PTPRQ: variants seen among roughly 807,000 people sequenced by gnomAD.
PTPRQ encodes phosphatidylinositol phosphatase PTPRQ.
A neutral mutation model predicts 246.0 loss-of-function variants in PTPRQ; 199 were observed. The observed-to-expected ratio is 0.81, with a 90% CI of 0.72 to 0.91. PTPRQ has a LOEUF of 0.91. Among genes scored for constraint, PTPRQ ranks in the 40% least tolerant of loss-of-function variants. The pLI, the probability that PTPRQ is intolerant of heterozygous loss-of-function variation, is 0.00. For missense variants in PTPRQ, 2,624 were observed against 2,528.4 expected (o/e 1.04, Z -0.81); for synonymous variants, 869 against 853.2 (o/e 1.02, Z -0.32).
intron 25 of PTPRQ, among the ~76,000 whole-genome samples, chr12:80,578,270 T>TC (rs1321319640): frequency 7.0e-6 from 1 of 143,646 alleles, no homozygotes; most frequent in Non-Finnish European, 1.5e-5. Context: ...GCTTCCTGTG[T>TC]CCATGTGTTC....
At position 80,539,760 on chromosome 12, in the gene PTPRQ, T is replaced by A. The variant is rs567349026; in HGVS notation, c.2986-16T>A. ...AAAAAAATACATTCTGAACAATGAATGTGTTTATTTTTCAGAATTTTACAC... is the reference window on the plus strand; with the variant it reads ...AAAAAAATACATTCTGAACAATGAAAGTGTTTATTTTTCAGAATTTTACAC... On this transcript the variant is annotated splice_polypyrimidine_tract_variant and intron_variant, in intron 19 of 44. Transcript: ENST00000644991. The A allele has an allele frequency of 1.3e-6, 2 of 1,517,004 alleles. No homozygotes were observed. The highest frequency in any genetic ancestry group is 5.1e-5 in the East Asian group (2 of 39,328). 94.0% of individuals were successfully genotyped at this position (1,517,004 alleles called of 1,614,324 possible). A position where few individuals can be genotyped will look rare whatever the true frequency, so the allele number is the denominator to read the frequency against.
chr12:80,538,969 T>A (rs895570651), intron 19 of PTPRQ, among the ~76,000 whole-genome samples: 4 of 152,150 alleles, frequency 2.6e-5, no homozygotes, highest in Admixed American at 1.3e-4. Flanking sequence ...TGGCTTCATG[T>A]GGATTGGAAT....
chr12:80,546,442 C>T (rs539063883), intron 23 of PTPRQ, 114 bp from the exon 24 acceptor site: 2 of 999,932 alleles, frequency 2.0e-6, no homozygotes, highest in East Asian at 2.7e-5. Flanking sequence ...TTAAAATATC[C>T]ATGCTTATTA....
In PTPRQ at chr12:80,656,816, C is replaced by T. The variant is rs1220351125; in HGVS notation, c.6116-1169C>T. ...AAGATGAAATGTTAAAAAATTGATA[C>T]TATTTGTTGTTCCAACGACAACAGA... On this transcript the variant is annotated intron_variant, in intron 38 of 44. Coordinates refer to ENST00000644991, the MANE Select transcript of PTPRQ (RefSeq NM_001145026.2). 3.3e-5 allele frequency among the ~76,000 whole-genome samples: 5 copies of T among 149,542 alleles called. No individual in the cohort carries two copies. The Admixed American group carries it at 3.3e-4, about 10-fold the overall frequency.
chr12:80,536,502 G>A (rs562011467), intron 19 of PTPRQ, among the ~76,000 whole-genome samples: 7 of 152,324 alleles, frequency 4.6e-5, no homozygotes, highest in African/African-American at 1.7e-4. Context: ...GGTTGTATAA[G>A]TCTGTCTATT....
chr12:80,467,132 A>T (rs919020197), intron 6 of PTPRQ, among the ~76,000 whole-genome samples: 1 of 151,426 alleles, frequency 6.6e-6, no homozygotes, highest in Admixed American at 6.6e-5. Context: ...AATATCCAGA[A>T]TCTACAATGA....
At chr12:80,636,470 C>T (rs1354652384) in intron 35 of PTPRQ, among the ~76,000 whole-genome samples, 4 of 152,186 alleles carry the variant, frequency 2.6e-5, no homozygotes, top group African/African-American at 9.6e-5. Flanking sequence ...CCCCTATGGG[C>T]CAAATGAATT....
chr12:80,630,652 A>C (rs886938911), intron 33 of PTPRQ, among the ~76,000 whole-genome samples: 7 of 152,086 alleles, frequency 4.6e-5, no homozygotes, highest in African/African-American at 1.7e-4. Flanking sequence ...CTTTCCTCCT[A>C]ATCATTTTAG....
chr12:80,514,782 G>T (rs540820458), intron 17 of PTPRQ, among the ~76,000 whole-genome samples: 3 of 145,182 alleles, frequency 2.1e-5, no homozygotes, highest in Admixed American at 1.4e-4. Context: ...ATATATAATT[G>T]TTATATATAT....
rs1399707028 is a variant in PTPRQ, at chr12:80,594,768, G to T, written c.4609+6316G>T. 2.6e-5 allele frequency among the ~76,000 whole-genome samples: 4 copies of T among 152,126 alleles called. No homozygotes were observed. In the East Asian group the frequency reaches 7.8e-4, roughly 30 times the overall value. On this transcript the variant is annotated intron_variant, in intron 26 of 44. Transcript: ENST00000644991. ...TGTATTTACCTTCTAAATATCTCTT[G>T]TATTTGTTTATTTTTCTTTTCAAGT...
Position 80,622,062 on chromosome 12 carries a change from T to G in PTPRQ, c.5614T>G (p.Phe1872Val). The G allele has an allele frequency of 7.1e-7, 1 of 1,400,472 alleles. No individual in the cohort carries two copies. The highest frequency in any genetic ancestry group is 9.4e-7 in the Non-Finnish European group (1 of 1,062,668). 86.8% of individuals were successfully genotyped at this position (1,400,472 alleles called of 1,614,324 possible). Residue 1872 changes from phenylalanine to valine, a missense_variant and splice_region_variant, in exon 33 of 45, where the codon TTT (phenylalanine) becomes GTT (valine). Physicochemically the swap from Phe to Val is conservative, Grantham distance 50. Coordinates refer to ENST00000644991, the MANE Select transcript of PTPRQ (RefSeq NM_001145026.2). ...GPLKPKKQYL[F>V]KFRATNIMGQ... Reference sequence around the variant, plus strand: ...GATTTTTCTTTTTTTATTTTATAGATTTAAATTTAGAGCTACAAATATTAT... The same window carrying G: ...GATTTTTCTTTTTTTATTTTATAGAGTTAAATTTAGAGCTACAAATATTAT...
chr12:80,535,616 G>A (rs182976084), intron 19 of PTPRQ, among the ~76,000 whole-genome samples: 53 of 152,274 alleles, frequency 3.5e-4, no homozygotes, highest in African/African-American at 1.3e-3. Flanking sequence ...TGCACAGTTT[G>A]TAGATGGGCA....
At chr12:80,540,468 G>T (rs1211469370) in intron 20 of PTPRQ, among the ~76,000 whole-genome samples, 2 of 152,020 alleles carry the variant, frequency 1.3e-5, no homozygotes, top group African/African-American at 2.4e-5. Flanking sequence ...TGAAGATCTT[G>T]ATGTTTTTTA....
chr12:80,554,208 G>T (rs968400125), intron 25 of PTPRQ, among the ~76,000 whole-genome samples: 4 of 152,128 alleles, frequency 2.6e-5, no homozygotes, highest in African/African-American at 4.8e-5. Context: ...AGCTAAAATA[G>T]TATAATTGGA....
chr12:80,644,613 G>C (rs1832638865), intron 35 of PTPRQ, among the ~76,000 whole-genome samples: 1 of 152,044 alleles, frequency 6.6e-6, no homozygotes, highest in South Asian at 2.1e-4. Flanking sequence ...TGAGTTTCTA[G>C]TGCTTATTTA....
At chr12:80,653,512 A>T (rs1900320716) in intron 38 of PTPRQ, among the ~76,000 whole-genome samples, 1 of 152,214 alleles carries the variant, frequency 6.6e-6, no homozygotes, top group Non-Finnish European at 1.5e-5. Flanking sequence ...ATGAAATTAA[A>T]AAGTGACATT....
chr12:80,449,083 G>T (rs1372817644), intron 3 of PTPRQ, among the ~76,000 whole-genome samples: 3 of 151,558 alleles, frequency 2.0e-5, no homozygotes, highest in African/African-American at 7.3e-5. Context: ...GGTGTGAGAT[G>T]GTATCTCATT....
intron 35 of PTPRQ, 130 bp downstream of exon 35, chr12:80,635,203 G>T: frequency 7.3e-7 from 1 of 1,362,704 alleles, no homozygotes; most frequent in African/African-American, 1.5e-5. Context: ...CTTTCAAAGA[G>T]TGACCTCCGT....
intron 24 of PTPRQ, among the ~76,000 whole-genome samples, chr12:80,549,222 G>A (rs747976886): frequency 1.3e-5 from 2 of 152,056 alleles, no homozygotes; most frequent in African/African-American, 2.4e-5. Flanking sequence ...TTGGTGCTTC[G>A]AACTGGAAGA....
Sources: allele counts gnomAD v4.1 joint callset (sites outside exome capture counted in the v4.1 genomes callset), GRCh38; gene constraint gnomAD v4.1.1; transcripts MANE v1.5; gene names NCBI Gene and HGNC (gene_info 2026-07-23, HGNC 2026-07-21).